Variants in DOK6 observed in about 807,000 individuals in gnomAD.
DOK6 encodes docking protein 6.
In DOK6, 22 loss-of-function variants were observed where a neutral mutation model predicts 44.0. That is an observed-to-expected ratio of 0.50 (90% CI 0.36 to 0.71). DOK6 has a LOEUF of 0.71. Ranked by LOEUF, DOK6 falls within the 30% of genes least tolerant of loss-of-function variation. The pLI is 0.00. For missense variants in DOK6, 340 were observed against 416.4 expected (o/e 0.82, Z 1.60); for synonymous variants, 166 against 145.5 (o/e 1.14, Z -1.01).
intron 6 of DOK6, among the ~76,000 whole-genome samples, chr18:69,745,395 C>T (rs1332101767): frequency 6.6e-6 from 1 of 152,184 alleles, no homozygotes; most frequent in African/African-American, 2.4e-5. Context: ...ACCCAACATA[C>T]AGACATTATG....
chr18:69,597,248 G>C (rs2144620748), intron 2 of DOK6, among the ~76,000 whole-genome samples: 2 of 152,078 alleles, frequency 1.3e-5, no homozygotes, highest in Middle Eastern at 3.4e-3. Context: ...AAATATTTAT[G>C]GTAAACCCTA....
chr18:69,829,051 A>G (rs1051910290), intron 7 of DOK6, among the ~76,000 whole-genome samples: 3 of 150,828 alleles, frequency 2.0e-5, no homozygotes, highest in Non-Finnish European at 4.5e-5. Flanking sequence ...TAAAGCAGCA[A>G]AAAGGAGAGT....
intron 1 of DOK6, among the ~76,000 whole-genome samples, chr18:69,505,491 CTTTTTTTTTTTT>C (rs772908185): frequency 4.5e-4 from 40 of 88,562 alleles, no homozygotes; most frequent in Middle Eastern, 0.01. Context: ...TACTCCCATT[CTTTTTTTTTTTT>C]TTTTTTTTTT....
intron 2 of DOK6, among the ~76,000 whole-genome samples, chr18:69,597,750 G>A (rs936380792): frequency 1.4e-5 from 2 of 142,558 alleles, no homozygotes; most frequent in Non-Finnish European, 3.1e-5. Flanking sequence ...AGACTCAAAC[G>A]CCTGCTCAAC....
chr18:69,845,372 T>C lies in DOK6; in HGVS notation c.*3989T>C, dbSNP rs1322872530. 6.6e-6 allele frequency: 1 copy of C among 152,232 alleles called. No homozygotes were observed. The highest frequency in any genetic ancestry group is 2.4e-5 in the African/African-American group (1 of 41,468). 9.4% of individuals were successfully genotyped at this position (152,232 alleles called of 1,614,324 possible). On this transcript the variant is annotated 3_prime_UTR_variant, in exon 8 of 8. Transcript: ENST00000382713. ...CCAATCCTGTGATCATGTCTGTAAA[T>C]ACCTTGCAATTTCAAATTACTTCAT...
intron 3 of DOK6, among the ~76,000 whole-genome samples, chr18:69,604,460 T>C (rs1983948758): frequency 6.6e-6 from 1 of 152,206 alleles, no homozygotes; most frequent in African/African-American, 2.4e-5. Flanking sequence ...TAGATACAAA[T>C]GTTAATATAG....
chr18:69,704,624 G>A (rs559323415), intron 5 of DOK6, among the ~76,000 whole-genome samples: 11 of 151,922 alleles, frequency 7.2e-5, no homozygotes, highest in Admixed American at 3.9e-4. Context: ...GACTACAGGC[G>A]CCCGCCACCA....
At chr18:69,614,553 TG>T in intron 3 of DOK6, among the ~76,000 whole-genome samples, 1 of 151,336 alleles carries the variant, frequency 6.6e-6, no homozygotes, top group African/African-American at 2.4e-5. Context: ...TTTGTGTGTG[TG>T]TGTGTGTGTG....
rs145927143 is a variant in DOK6, at chr18:69,517,291, T to G, written c.67-47196T>G. Reference sequence around the variant, plus strand: ...TGGCTGAGTGAATTAGATCTCCATATGACCATGTGAAACCACCTGACCTCT... The same window carrying G: ...TGGCTGAGTGAATTAGATCTCCATAGGACCATGTGAAACCACCTGACCTCT... On this transcript the variant is annotated intron_variant, in intron 1 of 7. Transcript: ENST00000382713. 4.0e-4 allele frequency among the ~76,000 whole-genome samples: 61 copies of G among 152,322 alleles called. 1 individual carries two copies. The East Asian group carries it at 0.01, about 26-fold the overall frequency.
chr18:69,452,295 A>G (rs1979492373), intron 1 of DOK6, among the ~76,000 whole-genome samples: 1 of 151,216 alleles, frequency 6.6e-6, no homozygotes, highest in Non-Finnish European at 1.5e-5. Context: ...CTCTACGCAA[A>G]TAAACTAGAA....
intron 1 of DOK6, among the ~76,000 whole-genome samples, chr18:69,510,059 C>G (rs182582122): frequency 3.3e-5 from 5 of 152,196 alleles, no homozygotes; most frequent in Non-Finnish European, 5.9e-5. Flanking sequence ...AGCTTTTACC[C>G]TGAGACTACT....
chr18:69,469,220 G>C (rs938898016), intron 1 of DOK6, among the ~76,000 whole-genome samples: 8 of 152,280 alleles, frequency 5.3e-5, no homozygotes, highest in African/African-American at 1.4e-4. Context: ...TAAATATTTA[G>C]TGTGTGCTGA....
chr18:69,432,234 T>C (rs1378500006), intron 1 of DOK6, among the ~76,000 whole-genome samples: 1 of 152,080 alleles, frequency 6.6e-6, no homozygotes, highest in Non-Finnish European at 1.5e-5. Flanking sequence ...CTTGAGCCCA[T>C]GAGTTTGAGA....
intron 4 of DOK6, among the ~76,000 whole-genome samples, chr18:69,691,429 G>A (rs1244153840): frequency 7.7e-6 from 1 of 130,116 alleles, no homozygotes; most frequent in Non-Finnish European, 1.7e-5. Flanking sequence ...ACTACTTGTA[G>A]AATTTGGGTT....
At chr18:69,561,731 C>A (rs189797196) in intron 1 of DOK6, among the ~76,000 whole-genome samples, 1 of 152,144 alleles carries the variant, frequency 6.6e-6, no homozygotes, top group Non-Finnish European at 1.5e-5. Context: ...CTTTTCAAGG[C>A]TCCTGAAAAG....
intron 1 of DOK6, among the ~76,000 whole-genome samples, chr18:69,558,615 A>C (rs1982748541): frequency 6.6e-6 from 1 of 152,176 alleles, no homozygotes; most frequent in Non-Finnish European, 1.5e-5. Context: ...AGACTTTTAA[A>C]ATATCAAACA....
chr18:69,750,928 T>TA (rs34181291), intron 6 of DOK6, among the ~76,000 whole-genome samples: 12 of 150,998 alleles, frequency 7.9e-5, no homozygotes, highest in African/African-American at 2.2e-4. Flanking sequence ...AACATAGCCT[T>TA]AAAAAAAAAG....
At chr18:69,774,221 T>C (rs1450225155) in intron 7 of DOK6, among the ~76,000 whole-genome samples, 1 of 147,422 alleles carries the variant, frequency 6.8e-6, no homozygotes, top group Admixed American at 7.0e-5. Flanking sequence ...CGGATAAGAT[T>C]GGAGACTATT....
intron 2 of DOK6, 59 bp downstream of exon 2, chr18:69,564,653 A>G: frequency 7.4e-7 from 1 of 1,359,206 alleles, no homozygotes; most frequent in Non-Finnish European, 1.0e-6. Flanking sequence ...ACTTGTGGAG[A>G]TATTTCTTTG....
Sources: gnomAD v4.1 joint callset for allele counts (sites outside exome capture counted in the v4.1 genomes callset) on GRCh38, gnomAD v4.1.1 for gene constraint, MANE v1.5 for transcripts, NCBI Gene and HGNC (gene_info 2026-07-23, HGNC 2026-07-21) for gene names.